ZNF804A: variants seen among roughly 807,000 people sequenced by gnomAD.
The protein encoded by ZNF804A is zinc finger protein 804A.
A neutral mutation model predicts 16.5 loss-of-function variants in ZNF804A; 2 were observed. The observed-to-expected ratio is 0.12, with a 90% confidence interval of 0.05 to 0.38. The LOEUF is 0.38. Ranked by LOEUF, ZNF804A falls within the 10% of genes least tolerant of loss-of-function variation. The pLI, the probability that ZNF804A is intolerant of heterozygous loss-of-function variation, is 0.99. For missense variants in ZNF804A, 1,473 were observed against 1,390.7 expected (o/e 1.06, Z -0.94); for synonymous variants, 534 against 489.6 (o/e 1.09, Z -1.20).
intron 2 of ZNF804A, among the ~76,000 whole-genome samples, chr2:184,893,255 A>G (rs935295147): frequency 6.6e-6 from 1 of 152,040 alleles, no homozygotes; most frequent in Non-Finnish European, 1.5e-5. Context: ...TATATGAAAA[A>G]TTTGGTAAGG....
At chr2:184,892,633 G>C (rs765893458) in intron 2 of ZNF804A, among the ~76,000 whole-genome samples, 3 of 151,780 alleles carry the variant, frequency 2.0e-5, no homozygotes, top group Non-Finnish European at 4.4e-5. Flanking sequence ...ACAGGCACGC[G>C]CCACCATGCC....
At chr2:184,698,309 A>G (rs1692866936) in intron 1 of ZNF804A, among the ~76,000 whole-genome samples, 1 of 152,008 alleles carries the variant, frequency 6.6e-6, no homozygotes, top group Non-Finnish European at 1.5e-5. Context: ...AATCCTCCAA[A>G]TTCATTTTTG....
chr2:184,920,059 G>A (rs1685506568), intron 2 of ZNF804A, among the ~76,000 whole-genome samples: 1 of 152,134 alleles, frequency 6.6e-6, no homozygotes, highest in Admixed American at 6.6e-5. Context: ...AGGTTGCGGT[G>A]AGCCTAGATT....
chr2:184,938,493 G>A lies in ZNF804A; in HGVS notation c.3097G>A (p.Ala1033Thr). ...ILAPLALPEQALLIPLENHDK... is the reference protein window; with the variant it reads ...ILAPLALPEQTLLIPLENHDK... ...GGCTCCATTAGCTTTACCAGAGCAA[G>A]CATTATTGATCCCACTAGAAAACCA... Residue 1033 changes from alanine (A) to threonine (T), a missense_variant, in exon 4 of 4, where the codon GCA becomes ACA. Ala to Thr is a moderately conservative substitution (Grantham distance 58). Transcript: ENST00000302277. The A allele has an allele frequency of 1.2e-6, 2 of 1,614,038 alleles. No homozygotes were observed. Among genetic ancestry groups the A allele is most frequent in the Non-Finnish European group, 1.7e-6 (2 of 1,180,008 alleles).
intron 1 of ZNF804A, among the ~76,000 whole-genome samples, chr2:184,725,402 TTATAAAGTAAA>T (rs1451943047): frequency 6.6e-6 from 1 of 151,760 alleles, no homozygotes; most frequent in Non-Finnish European, 1.5e-5. Context: ...ACATTTTATT[TTATAAAGTAAA>T]TATAAAATAA....
chr2:184,598,826 G>A lies in ZNF804A; in HGVS notation c.-134G>A. The A allele has an allele frequency of 2.1e-6, 1 of 484,844 alleles. No homozygotes were observed. Among genetic ancestry groups the A allele is most frequent in the East Asian group, 3.8e-5 (1 of 26,574 alleles). 30.0% of individuals were successfully genotyped at this position (484,844 alleles called of 1,614,324 possible). Reference sequence around the variant, plus strand: ...GAGGGGTGCAGTGAGCCAGTCTCCAGAGGACGTGCCGGGGGTGGCTGCGTG... The same window carrying A: ...GAGGGGTGCAGTGAGCCAGTCTCCAAAGGACGTGCCGGGGGTGGCTGCGTG... On this transcript the variant is annotated 5_prime_UTR_variant, in exon 1 of 4. Coordinates refer to ENST00000302277, the MANE Select transcript of ZNF804A (RefSeq NM_194250.2).
At chr2:184,898,275 A>G (rs1574261990) in intron 2 of ZNF804A, among the ~76,000 whole-genome samples, 1 of 152,144 alleles carries the variant, frequency 6.6e-6, no homozygotes, top group African/African-American at 2.4e-5. Context: ...CATACTTTGT[A>G]TAAACTGCAA....
chr2:184,715,420 T>C (rs1394475977), intron 1 of ZNF804A, among the ~76,000 whole-genome samples: 1 of 152,160 alleles, frequency 6.6e-6, no homozygotes, highest in Admixed American at 6.6e-5. Context: ...GGTCTCACTG[T>C]GTCACCCAAG....
chr2:184,601,904 A>G (rs531955695), intron 1 of ZNF804A, among the ~76,000 whole-genome samples: 1 of 152,060 alleles, frequency 6.6e-6, no homozygotes, highest in South Asian at 2.1e-4. Context: ...TAATTTTATA[A>G]TCTTCAAAAA....
chr2:184,719,387 A>T (rs1192404635), intron 1 of ZNF804A, among the ~76,000 whole-genome samples: 1 of 152,028 alleles, frequency 6.6e-6, no homozygotes, highest in Non-Finnish European at 1.5e-5. Flanking sequence ...GGGGATTAAC[A>T]TTTGGCTCCT....
At chr2:184,919,952 T>G (rs1685504199) in intron 2 of ZNF804A, among the ~76,000 whole-genome samples, 1 of 152,082 alleles carries the variant, frequency 6.6e-6, no homozygotes, top group Admixed American at 6.6e-5. Flanking sequence ...CCATCTCTAC[T>G]AATAATATAA....
rs768659748 is a variant in ZNF804A, at chr2:184,939,054, CTT to C, written c.*29_*30del. On this transcript the variant is annotated 3_prime_UTR_variant, in exon 4 of 4. Coordinates refer to ENST00000302277, the MANE Select transcript of ZNF804A (RefSeq NM_194250.2). ...ATCACCATAATGGGAAAAAAATACT[CTT>C]GTGAAAACTATTGCTATATGCGTTA... is the stretch of plus-strand genomic sequence containing the variant. The C allele has an allele frequency of 1.8e-5, 29 of 1,601,818 alleles. No homozygotes were observed. In the East Asian group the frequency reaches 6.0e-4, roughly 33 times the overall value.
intron 1 of ZNF804A, among the ~76,000 whole-genome samples, chr2:184,642,285 A>T (rs1422248920): frequency 6.6e-6 from 1 of 152,064 alleles, no homozygotes; most frequent in Non-Finnish European, 1.5e-5. Context: ...TCTTTTGTTA[A>T]TATTTGTGCC....
At chr2:184,679,335 G>A (rs73043249) in intron 1 of ZNF804A, among the ~76,000 whole-genome samples, 393 of 152,354 alleles carry the variant, frequency 2.6e-3, no homozygotes, top group African/African-American at 8.7e-3. Context: ...GGACCCATTT[G>A]TAGCAGCCAT....
intron 2 of ZNF804A, among the ~76,000 whole-genome samples, chr2:184,897,441 C>A (rs1295753621): frequency 6.7e-6 from 1 of 150,216 alleles, no homozygotes; most frequent in Non-Finnish European, 1.5e-5. Flanking sequence ...CCTTTCCATA[C>A]AGCAATTTTT....
At chr2:184,716,458 G>A (rs566222194) in intron 1 of ZNF804A, among the ~76,000 whole-genome samples, 9 of 152,030 alleles carry the variant, frequency 5.9e-5, no homozygotes, top group African/African-American at 1.4e-4. Flanking sequence ...TGCAATTGGC[G>A]AAAAGGCACA....
chr2:184,788,224 C>G (rs1199221811), intron 1 of ZNF804A, among the ~76,000 whole-genome samples: 1 of 151,914 alleles, frequency 6.6e-6, no homozygotes, highest in Non-Finnish European at 1.5e-5. Context: ...CAGTACCACG[C>G]TGTTTTTGTT....
At chr2:184,676,027 G>T (rs1177327921) in intron 1 of ZNF804A, among the ~76,000 whole-genome samples, 1 of 151,582 alleles carries the variant, frequency 6.6e-6, no homozygotes, top group Non-Finnish European at 1.5e-5. Context: ...GTATATTTAT[G>T]ACTTCTACTC....
At chr2:184,682,079 C>T (rs1179069889) in intron 1 of ZNF804A, among the ~76,000 whole-genome samples, 1 of 152,212 alleles carries the variant, frequency 6.6e-6, no homozygotes, top group African/African-American at 2.4e-5. Flanking sequence ...GGGAGGGAGA[C>T]CAGTGAGGGC....
Sources: allele counts gnomAD v4.1 joint callset (sites outside exome capture counted in the v4.1 genomes callset), GRCh38; gene constraint gnomAD v4.1.1; transcripts MANE v1.5; gene names NCBI Gene and HGNC (gene_info 2026-07-23, HGNC 2026-07-21).